Variants in DOK6 observed in about 807,000 individuals in gnomAD.
The protein encoded by DOK6 is downstream of tyrosine kinase 6.
In DOK6, 22 loss-of-function variants were observed where a neutral mutation model predicts 44.0. The ratio of observed to expected loss-of-function variants is 0.50; its 90% CI spans 0.36 to 0.71. The LOEUF (loss-of-function observed/expected upper bound fraction) is 0.71. Ranked by LOEUF, DOK6 falls within the 30% of genes least tolerant of loss-of-function variation. DOK6 has a pLI of 0.00. For synonymous variants in DOK6, 166 were observed against 145.5 expected (o/e 1.14, Z -1.01); for missense variants, 340 against 416.4 (o/e 0.82, Z 1.60).
At position 69,841,400 on chromosome 18, in the gene DOK6, G is replaced by A; in HGVS notation, c.*17G>A. Reference sequence around the variant, plus strand: ...ATCCAATGACACACAGAGAGCCGCTGTTGACTAGAGAGACAGTCTGTCCTG... The same window carrying A: ...ATCCAATGACACACAGAGAGCCGCTATTGACTAGAGAGACAGTCTGTCCTG... On this transcript the variant is annotated 3_prime_UTR_variant, in exon 8 of 8. Transcript: ENST00000382713. 1 of 1,614,088 alleles carries A rather than the reference G, an allele frequency of 6.2e-7. No homozygotes were observed. Among genetic ancestry groups the A allele is most frequent in the Non-Finnish European group, 8.5e-7 (1 of 1,180,006 alleles).
chr18:69,566,230 G>A lies in DOK6; in HGVS notation c.174+1636G>A, dbSNP rs190410967. ...TCGGCTCACTGTAAGCTCCGCCTTCGGGTTCACACCATTCTCCTGCCTCAG... is the reference window on the plus strand; with the variant it reads ...TCGGCTCACTGTAAGCTCCGCCTTCAGGTTCACACCATTCTCCTGCCTCAG... On this transcript the variant is annotated intron_variant, in intron 2 of 7. Coordinates refer to ENST00000382713, the MANE Select transcript of DOK6 (RefSeq NM_152721.6). Among the ~76,000 whole-genome samples the A allele has an allele frequency of 4.6e-5, 7 of 151,824 alleles. No homozygotes were observed. The East Asian group carries it at 9.7e-4, about 21-fold the overall frequency.
intron 7 of DOK6, among the ~76,000 whole-genome samples, chr18:69,776,791 T>C (rs1258616841): frequency 1.3e-5 from 2 of 152,032 alleles, no homozygotes; most frequent in Admixed American, 6.6e-5. Context: ...AAATATTTGA[T>C]AAAATTCAGT....
chr18:69,498,177 A>C (rs1461217556), intron 1 of DOK6, among the ~76,000 whole-genome samples: 1 of 152,170 alleles, frequency 6.6e-6, no homozygotes, highest in South Asian at 2.1e-4. Flanking sequence ...TGGGAAAATT[A>C]GATATAGTAA....
chr18:69,766,840 C>T (rs772312441), intron 7 of DOK6, among the ~76,000 whole-genome samples: 1 of 152,140 alleles, frequency 6.6e-6, no homozygotes, highest in Non-Finnish European at 1.5e-5. Context: ...GATAGGCTGT[C>T]CTACTCCTAT....
chr18:69,795,639 A>G (rs181498462), intron 7 of DOK6, among the ~76,000 whole-genome samples: 2 of 152,120 alleles, frequency 1.3e-5, no homozygotes, highest in Non-Finnish European at 2.9e-5. Context: ...CTAAGCACCA[A>G]CTGTGTGCTA....
At chr18:69,519,782 C>T (rs755360176) in intron 1 of DOK6, among the ~76,000 whole-genome samples, 3 of 151,746 alleles carry the variant, frequency 2.0e-5, no homozygotes, top group Non-Finnish European at 4.4e-5. Context: ...TGGTAAGTCA[C>T]ATATGAAATA....
At chr18:69,432,725 C>T (rs998074634) in intron 1 of DOK6, among the ~76,000 whole-genome samples, 1 of 151,876 alleles carries the variant, frequency 6.6e-6, no homozygotes, top group African/African-American at 2.4e-5. Context: ...TCCAGAGTTT[C>T]CAAGTTTAAA....
intron 1 of DOK6, among the ~76,000 whole-genome samples, chr18:69,527,930 A>G (rs573280390): frequency 1.4e-4 from 21 of 152,256 alleles, no homozygotes; most frequent in East Asian, 1.9e-4. Flanking sequence ...CTGGGAGGCC[A>G]AGGCGGGCGG....
intron 1 of DOK6, among the ~76,000 whole-genome samples, chr18:69,445,646 T>A (rs1035194958): frequency 6.6e-6 from 1 of 152,210 alleles, no homozygotes; most frequent in African/African-American, 2.4e-5. Context: ...CTAAAATAAA[T>A]CTCACTTGGT....
At chr18:69,576,049 A>G (rs989137882) in intron 2 of DOK6, among the ~76,000 whole-genome samples, 1 of 152,152 alleles carries the variant, frequency 6.6e-6, no homozygotes, top group African/African-American at 2.4e-5. Context: ...CCATTTCTAG[A>G]ATCATTAACC....
chr18:69,645,915 G>C (rs190309090), intron 3 of DOK6, among the ~76,000 whole-genome samples: 1 of 152,060 alleles, frequency 6.6e-6, no homozygotes, highest in Non-Finnish European at 1.5e-5. Context: ...GATTCTTCTG[G>C]AATGTTCCAC....
chr18:69,652,411 G>A (rs553776773), intron 3 of DOK6, among the ~76,000 whole-genome samples: 1 of 152,276 alleles, frequency 6.6e-6, no homozygotes, highest in Non-Finnish European at 1.5e-5. Context: ...AGAGTGTGAT[G>A]GGAAAATCCC....
At chr18:69,823,625 TTGTGTGTGTGTGTG>T (rs72248499) in intron 7 of DOK6, among the ~76,000 whole-genome samples, 7 of 146,868 alleles carry the variant, frequency 4.8e-5, no homozygotes, top group South Asian at 2.2e-4. Context: ...GTGTGTGTGT[TTGTGTGTGTGTGTG>T]TGTGTGTGTG....
intron 6 of DOK6, among the ~76,000 whole-genome samples, chr18:69,743,478 AATC>A (rs1368602274): frequency 4.6e-5 from 7 of 152,230 alleles, no homozygotes; most frequent in Non-Finnish European, 8.8e-5. Context: ...TACAGGCTGA[AATC>A]ATCATGGACA....
chr18:69,690,467 G>A (rs17789996), intron 4 of DOK6, among the ~76,000 whole-genome samples: 71,643 of 151,876 alleles, frequency 0.47, 18,666 homozygotes, highest in East Asian at 0.76. Context: ...GTAAACATCC[G>A]CTTTTTCAGT....
At chr18:69,559,199 G>A (rs1374280756) in intron 1 of DOK6, among the ~76,000 whole-genome samples, 3 of 152,016 alleles carry the variant, frequency 2.0e-5, no homozygotes, top group Admixed American at 6.6e-5. Flanking sequence ...TATGCCTTCT[G>A]GCTCATGTTT....
intron 1 of DOK6, chr18:69,483,694 G>C (rs7233043): frequency 0.24 from 36,296 of 152,020 alleles, 4,764 homozygotes; most frequent in East Asian, 0.53. Context: ...TCAAGAAAGT[G>C]TTCCCTCCAG....
chr18:69,654,434 T>C (rs566736977), intron 3 of DOK6, among the ~76,000 whole-genome samples: 19 of 152,290 alleles, frequency 1.2e-4, no homozygotes, highest in Admixed American at 6.5e-4. Flanking sequence ...AAATTTGACA[T>C]TGACATTGAG....
At chr18:69,760,646 C>T (rs1327984853) in intron 7 of DOK6, among the ~76,000 whole-genome samples, 2 of 151,878 alleles carry the variant, frequency 1.3e-5, no homozygotes, top group African/African-American at 4.8e-5. Context: ...TTACTTCTCC[C>T]TACTCCTGAA....
Sources: allele counts gnomAD v4.1 joint callset (sites outside exome capture counted in the v4.1 genomes callset), GRCh38; gene constraint gnomAD v4.1.1; transcripts MANE v1.5; gene names NCBI Gene and HGNC (gene_info 2026-07-23, HGNC 2026-07-21).